Variants in ZNF407 observed in about 807,000 individuals in gnomAD.
The protein encoded by ZNF407 is zinc finger protein 407.
A neutral mutation model predicts 131.2 loss-of-function variants in ZNF407; 17 were observed. The observed-to-expected ratio is 0.13, with a 90% CI of 0.09 to 0.19. ZNF407 has a LOEUF of 0.19. Among genes scored for constraint, ZNF407 ranks in the 10% least tolerant of loss-of-function variants. ZNF407 has a pLI of 1.00. For missense variants in ZNF407, 2,681 were observed against 2,830.6 expected, an observed-to-expected ratio of 0.95 and a Z score of 1.20; for synonymous variants, 1,156 against 1,062.0, an observed-to-expected ratio of 1.09 and a Z score of -1.72.
At chr18:74,731,705 A>G (rs539050193) in intron 3 of ZNF407, among the ~76,000 whole-genome samples, 3 of 152,140 alleles carry the variant, frequency 2.0e-5, no homozygotes, top group Non-Finnish European at 2.9e-5. Flanking sequence ...ATATTATTTC[A>G]TATACTTGTG....
intron 4 of ZNF407, among the ~76,000 whole-genome samples, chr18:74,850,874 A>G (rs1006114604): frequency 6.6e-6 from 1 of 152,196 alleles, no homozygotes; most frequent in Non-Finnish European, 1.5e-5. Context: ...GTCCATTGCT[A>G]TTATCATCAG....
At chr18:74,891,970 A>G (rs1971391083) in intron 7 of ZNF407, among the ~76,000 whole-genome samples, 3 of 152,282 alleles carry the variant, frequency 2.0e-5, no homozygotes, top group Admixed American at 6.5e-5. Flanking sequence ...ATTCTCCTAT[A>G]TAACTACTTT....
At chr18:74,699,531 G>A (rs1967442888) in intron 3 of ZNF407, among the ~76,000 whole-genome samples, 2 of 152,142 alleles carry the variant, frequency 1.3e-5, no homozygotes, top group Admixed American at 6.6e-5. Context: ...CCTGGTACCG[G>A]TGTTGGAGTG....
intron 8 of ZNF407, among the ~76,000 whole-genome samples, chr18:74,932,010 T>C (rs1237050905): frequency 6.6e-6 from 1 of 152,188 alleles, no homozygotes; most frequent in Non-Finnish European, 1.5e-5. Context: ...ACAGTGTGTT[T>C]CATACAGAAA....
At chr18:74,755,078 G>T (rs1419063303) in intron 3 of ZNF407, among the ~76,000 whole-genome samples, 2 of 152,124 alleles carry the variant, frequency 1.3e-5, no homozygotes, top group African/African-American at 4.8e-5. Context: ...TCTTCTTGTT[G>T]AATTGATCCC....
At chr18:75,016,456 G>A (rs764435700) in intron 8 of ZNF407, among the ~76,000 whole-genome samples, 5 of 152,010 alleles carry the variant, frequency 3.3e-5, no homozygotes, top group African/African-American at 9.7e-5. Context: ...TATAATGAGC[G>A]TATTATAAGG....
chr18:74,998,427 C>T (rs1672292606), intron 8 of ZNF407, among the ~76,000 whole-genome samples: 1 of 152,194 alleles, frequency 6.6e-6, no homozygotes, highest in African/African-American at 2.4e-5. Flanking sequence ...AAATACCTGT[C>T]TGTGTTCTCC....
chr18:75,044,375 C>G (rs1246453962), intron 8 of ZNF407, among the ~76,000 whole-genome samples: 1 of 145,016 alleles, frequency 6.9e-6, no homozygotes, highest in Non-Finnish European at 1.5e-5. Flanking sequence ...TGTTTGTTTT[C>G]CTTTAATGGA....
intron 3 of ZNF407, among the ~76,000 whole-genome samples, chr18:74,777,922 A>G (rs1439057991): frequency 6.6e-6 from 1 of 152,178 alleles, no homozygotes; most frequent in Non-Finnish European, 1.5e-5. Context: ...GTCTCTACAA[A>G]AAAAATTTAA....
intron 1 of ZNF407, among the ~76,000 whole-genome samples, chr18:74,615,410 CAGG>C (rs1983243010): frequency 2.0e-5 from 3 of 152,164 alleles, no homozygotes; most frequent in Non-Finnish European, 4.4e-5. Context: ...GAGGCTGAGA[CAGG>C]AGAATTGCTT....
At chr18:74,617,299 C>T (rs1464533605) in intron 1 of ZNF407, among the ~76,000 whole-genome samples, 1 of 152,188 alleles carries the variant, frequency 6.6e-6, no homozygotes, top group African/African-American at 2.4e-5. Context: ...TTTTCTCTTA[C>T]GTGACTGTGG....
intron 3 of ZNF407, among the ~76,000 whole-genome samples, chr18:74,689,254 T>C (rs1479661154): frequency 6.6e-6 from 1 of 152,256 alleles, no homozygotes; most frequent in African/African-American, 2.4e-5. Flanking sequence ...GGTCTTATTA[T>C]AAATTGTGCT....
chr18:74,916,358 GTGCA>G (rs1971762529), intron 7 of ZNF407, among the ~76,000 whole-genome samples: 2 of 108,168 alleles, frequency 1.8e-5, no homozygotes, highest in African/African-American at 9.7e-5. Flanking sequence ...GTGTGTGTGC[GTGCA>G]TGTGTGTGCT....
At chr18:74,980,346 G>T (rs938181094) in intron 8 of ZNF407, among the ~76,000 whole-genome samples, 14 of 150,986 alleles carry the variant, frequency 9.3e-5, no homozygotes, top group African/African-American at 2.7e-4. Context: ...TCGCTCTTGT[G>T]GCCCAGGCTG....
intron 4 of ZNF407, among the ~76,000 whole-genome samples, chr18:74,862,140 G>T (rs1377930673): frequency 1.3e-5 from 2 of 152,092 alleles, no homozygotes; most frequent in Non-Finnish European, 2.9e-5. Context: ...TCTTCATTTT[G>T]GTTTTATCCA....
intron 3 of ZNF407, among the ~76,000 whole-genome samples, chr18:74,691,859 C>T (rs111624645): frequency 0.017 from 2,516 of 152,020 alleles, 81 homozygotes; most frequent in African/African-American, 0.058. Context: ...TTTGGGAGGC[C>T]GAGGCAGATG....
At chr18:75,018,906 A>G (rs988580940) in intron 8 of ZNF407, among the ~76,000 whole-genome samples, 5 of 152,140 alleles carry the variant, frequency 3.3e-5, no homozygotes, top group Non-Finnish European at 5.9e-5. Context: ...TTAATAATGT[A>G]TATTAACTCT....
chr18:74,668,313 A>G lies in ZNF407; in HGVS notation c.4802+27191A>G, dbSNP rs148359823. ...CTGTTTAGACTTGTGTCCTATTTCC[A>G]AGATACCGATATATCTTATTATGTA... On this transcript the variant is annotated intron_variant, in intron 3 of 8. Transcript: ENST00000299687. Among the ~76,000 whole-genome samples the G allele has an allele frequency of 2.6e-3, 394 of 152,318 alleles. 1 individual carries two copies. Among genetic ancestry groups the G allele is most frequent in the African/African-American group, 9.0e-3 (376 of 41,570 alleles).
intron 4 of ZNF407, among the ~76,000 whole-genome samples, chr18:74,865,709 A>G (rs748925069): frequency 2.6e-5 from 4 of 152,248 alleles, no homozygotes; most frequent in Non-Finnish European, 5.9e-5. Flanking sequence ...AACTTAGAAT[A>G]TATGAGAAGT....
Sources: gnomAD v4.1 joint callset for allele counts (sites outside exome capture counted in the v4.1 genomes callset) on GRCh38, gnomAD v4.1.1 for gene constraint, MANE v1.5 for transcripts, NCBI Gene and HGNC (gene_info 2026-07-23, HGNC 2026-07-21) for gene names.